The following TTR variants were observed in gnomAD, a reference collection of about 807,000 sequenced individuals.
TTR encodes transthyretin.
In TTR, 8 loss-of-function variants were observed where a neutral mutation model predicts 13.7. That is an observed-to-expected ratio of 0.58 (90% confidence interval 0.34 to 1.05). The LOEUF is 1.05. Among genes scored for constraint, TTR ranks in the 50% least tolerant of loss-of-function variants. The pLI, the probability that TTR is intolerant of heterozygous loss-of-function variation, is 0.02. For missense variants in TTR, 135 were observed against 185.5 expected, an observed-to-expected ratio of 0.73 and a Z score of 1.58; for synonymous variants, 75 against 71.7, an observed-to-expected ratio of 1.05 and a Z score of -0.23.
rs747545126 is a variant in TTR, at chr18:31,591,910, CTCA to C, written c.11_13del (p.His4del). On this transcript the variant is annotated inframe_deletion, in exon 1 of 4. Transcript: ENST00000237014. ...CCACTCATTCTTGGCAGGATGGCTTCTCATCGTCTGCTCCTCCTCTGCCTTGCT... is the reference window on the plus strand; with the variant it reads ...CCACTCATTCTTGGCAGGATGGCTTCTCGTCTGCTCCTCCTCTGCCTTGCT... The C allele has an allele frequency of 2.5e-6, 4 of 1,614,068 alleles. No homozygotes were observed. The highest frequency in any genetic ancestry group is 3.4e-6 in the Non-Finnish European group (4 of 1,180,050).
chr18:31,594,964 A>G (rs2073509026), intron 2 of TTR, among the ~76,000 whole-genome samples, 156 bp from the exon 3 acceptor site: 1 of 152,160 alleles, frequency 6.6e-6, no homozygotes, highest in South Asian at 2.1e-4. Context: ...ATTTAATTTC[A>G]GTTAGGAGTT....
Position 31,595,060 on chromosome 18 carries a change from C to T in TTR, c.201-60C>T, listed in dbSNP as rs184163480. On this transcript the variant is annotated intron_variant, in intron 2 of 3. Transcript: ENST00000237014. ...TGTGTTAGTTGGTGGGGGTGTATTA[C>T]TTTGCCATGCCATTTGTTTCCTCCA... is the stretch of plus-strand genomic sequence containing the variant. 7 of 1,597,554 alleles carry T rather than the reference C, an allele frequency of 4.4e-6. No homozygotes were observed. In the East Asian group the frequency reaches 8.9e-5, roughly 20 times the overall value.
At chr18:31,592,100 A>AT in intron 1 of TTR, 129 bp downstream of exon 1, 3 of 911,358 alleles carry the variant, frequency 3.3e-6, no homozygotes, top group Non-Finnish European at 5.2e-6. Context: ...TATTTTTAAT[A>AT]TAATTAATTC....
At chr18:31,592,021 T>C (rs932810673) in intron 1 of TTR, 50 bp downstream of exon 1, 4 of 1,603,474 alleles carry the variant, frequency 2.5e-6, no homozygotes, top group Non-Finnish European at 3.4e-6. Context: ...TCACGCTAAA[T>C]GAAGTAGAAG....
intron 3 of TTR, chr18:31,596,059 C>G (rs1286810950): frequency 1.3e-5 from 2 of 157,158 alleles, no homozygotes; most frequent in Admixed American, 1.3e-4. Context: ...TTGTAACGTG[C>G]TCTGTTCCCC....
chr18:31,598,433 T>C (rs775813712), intron 3 of TTR, 135 bp from the exon 4 acceptor site: 66 of 886,036 alleles, frequency 7.4e-5, no homozygotes, highest in Non-Finnish European at 1.1e-4. Flanking sequence ...TTTTTCCTTC[T>C]GTTCAAACTG....
In TTR at chr18:31,595,159, T is replaced by C; in HGVS notation, c.240T>C (p.Thr80=). 1 of 1,614,142 alleles carries C rather than the reference T, an allele frequency of 6.2e-7. No homozygotes were observed. The highest frequency in any genetic ancestry group is 8.5e-7 in the Non-Finnish European group (1 of 1,180,022). The change falls in exon 3 of 4, where the codon ACT becomes ACC. Residue 80 remains threonine (T), a synonymous_variant. Coordinates refer to ENST00000237014, the MANE Select transcript of TTR (RefSeq NM_000371.4). The stretch of plus-strand genomic sequence containing the variant: ...CTGGAGAGCTGCATGGGCTCACAAC[T>C]GAGGAGGAATTTGTAGAAGGGATAT... ...SESGELHGLT[T]EEEFVEGIYK...
At chr18:31,595,470 C>T (rs1181804723) in intron 3 of TTR, 6 of 685,756 alleles carry the variant, frequency 8.7e-6, no homozygotes, top group Admixed American at 2.0e-5. Context: ...AGTAACATGA[C>T]TTGAACTTAC....
intron 1 of TTR, 114 bp from the exon 2 acceptor site, chr18:31,592,782 T>C (rs749206549): frequency 5.8e-6 from 8 of 1,389,062 alleles, no homozygotes; most frequent in Non-Finnish European, 7.1e-6. Context: ...ACGTTCCTGA[T>C]AATGGGATCA....
intron 2 of TTR, among the ~76,000 whole-genome samples, chr18:31,594,018 C>A (rs529945623): frequency 2.0e-5 from 3 of 152,148 alleles, no homozygotes; most frequent in South Asian, 2.1e-4. Flanking sequence ...TTTGGGAATT[C>A]ATTTATGTTT....
chr18:31,598,216 G>A (rs1056814806), intron 3 of TTR: 2 of 369,236 alleles, frequency 5.4e-6, no homozygotes, highest in Non-Finnish European at 1.1e-5. Flanking sequence ...GCTCTTCAAT[G>A]ACTCAATGCA....
At chr18:31,595,833 C>G (rs1214064346) in intron 3 of TTR, 2 of 247,482 alleles carry the variant, frequency 8.1e-6, no homozygotes, top group Non-Finnish European at 1.6e-5. Flanking sequence ...CCACTGAGGT[C>G]AGTCCTATTA....
At chr18:31,592,147 G>A (rs1331539622) in intron 1 of TTR, among the ~76,000 whole-genome samples, 176 bp downstream of exon 1, 5 of 152,188 alleles carry the variant, frequency 3.3e-5, no homozygotes, top group Non-Finnish European at 5.9e-5. Flanking sequence ...TGAGCTTACT[G>A]AGCTGGGACT....
chr18:31,592,787 G>A, intron 1 of TTR, 109 bp from the exon 2 acceptor site: 2 of 1,415,032 alleles, frequency 1.4e-6, no homozygotes, highest in Non-Finnish European at 2.0e-6. Flanking sequence ...CCTGATAATG[G>A]GATCAGTGTG....
At chr18:31,595,294 T>C (rs776517220) in intron 3 of TTR, 39 bp downstream of exon 3, 1 of 1,613,856 alleles carries the variant, frequency 6.2e-7, no homozygotes, top group Non-Finnish European at 8.5e-7. Context: ...TTGGTTTTGG[T>C]TTTTGCTTTT....
chr18:31,598,672 A>T lies in TTR; in HGVS notation c.441A>T (p.Glu147Asp), dbSNP rs370056601. 1.9e-6 allele frequency: 3 copies of T among 1,614,128 alleles called. No individual in the cohort carries two copies. In the South Asian group the frequency reaches 3.3e-5, roughly 18 times the overall value. ...CGGCTGTCGTCACCAATCCCAAGGA[A>T]TGAGGGACTTCTCCTCCAGTGGACC... Reference protein sequence around the residue: ...STTAVVTNPKE With the variant: ...STTAVVTNPKD The change falls in exon 4 of 4, where the codon GAA (glutamate) becomes GAT (aspartate). Residue 147 changes from glutamate to aspartate, a missense_variant. Physicochemically the swap from Glu to Asp is conservative, Grantham distance 45. Transcript: ENST00000237014.
intron 3 of TTR, 180 bp from the exon 4 acceptor site, chr18:31,598,388 G>C (rs2073526998): frequency 1.4e-6 from 1 of 722,172 alleles, no homozygotes; most frequent in Non-Finnish European, 2.5e-6. Flanking sequence ...GACTGTGCAT[G>C]GTTCCAAAGG....
chr18:31,595,858 T>C lies in TTR; in HGVS notation c.336+603T>C, dbSNP rs564183972. The C allele has an allele frequency of 4.4e-5, 8 of 182,056 alleles. No individual in the cohort carries two copies. The East Asian group carries it at 1.1e-3, about 25-fold the overall frequency. The allele number at this position is 182,056 out of a possible 1,614,324, so 11.3% of individuals were successfully genotyped here. ...CAGTCCTATTATTATCCCCATCTTATAGATGAAGAAAATGAGGCACCAGGA... is the reference window on the plus strand; with the variant it reads ...CAGTCCTATTATTATCCCCATCTTACAGATGAAGAAAATGAGGCACCAGGA... On this transcript the variant is annotated intron_variant, in intron 3 of 3. Coordinates refer to ENST00000237014, the MANE Select transcript of TTR (RefSeq NM_000371.4).
chr18:31,592,283 T>C (rs951244098), intron 1 of TTR, among the ~76,000 whole-genome samples: 3 of 152,198 alleles, frequency 2.0e-5, no homozygotes, highest in Non-Finnish European at 4.4e-5. Context: ...TACTGAATTT[T>C]CAGAAAAGTA....
Sources: allele counts gnomAD v4.1 joint callset (sites outside exome capture counted in the v4.1 genomes callset), GRCh38; gene constraint gnomAD v4.1.1; transcripts MANE v1.5; gene names NCBI Gene and HGNC (gene_info 2026-07-23, HGNC 2026-07-21).